MAF: variants seen among roughly 807,000 people sequenced by gnomAD.
MAF encodes MAF bZIP transcription factor, also known as transcription factor Maf.
Under a neutral mutation model 22.0 loss-of-function variants are expected in MAF, and 10 were observed. The ratio of observed to expected loss-of-function variants is 0.45; its 90% CI spans 0.28 to 0.77. The LOEUF is 0.77. Among genes scored for constraint, MAF ranks in the 30% least tolerant of loss-of-function variants. The probability of loss-of-function intolerance (pLI) is 0.12; values close to 1 mark genes in which losing one functional copy is unlikely to be tolerated. For synonymous variants in MAF, 337 were observed against 255.8 expected (o/e 1.32, Z -3.03); for missense variants, 544 against 548.4 (o/e 0.99, Z 0.08).
chr16:79,550,993 C>A, the MAF span, among the ~76,000 whole-genome samples: 23 of 152,266 alleles, frequency 1.5e-4, no homozygotes, highest in Non-Finnish European at 2.2e-4. Context: ...CGTGGCCTCA[C>A]AGACAGCAGA....
At chr16:79,500,000 G>A in the MAF span, among the ~76,000 whole-genome samples, 2 of 152,174 alleles carry the variant, frequency 1.3e-5, no homozygotes, top group Non-Finnish European at 2.9e-5. Flanking sequence ...GACACATAGA[G>A]AGGTTATATA....
At chr16:79,350,590 C>T in the MAF span, among the ~76,000 whole-genome samples, 19 of 152,166 alleles carry the variant, frequency 1.2e-4, no homozygotes, top group African/African-American at 4.1e-4. Flanking sequence ...CCAGGCCCCA[C>T]GCTGAAAAAC....
At chr16:79,417,119 C>A in the MAF span, among the ~76,000 whole-genome samples, 13 of 152,274 alleles carry the variant, frequency 8.5e-5, no homozygotes, top group East Asian at 2.5e-3. Context: ...CAGCCAGGGG[C>A]ACACCATTCT....
the MAF span, chr16:79,212,294 G>T: frequency 2.9e-6 from 3 of 1,039,026 alleles, no homozygotes; most frequent in South Asian, 3.6e-5. Context: ...AGCCAGCTTA[G>T]CAACTGCTGG....
chr16:79,580,816 G>GAA, the MAF span, among the ~76,000 whole-genome samples: 3 of 149,778 alleles, frequency 2.0e-5, no homozygotes, highest in African/African-American at 7.4e-5. Flanking sequence ...TTTAAAAGGA[G>GAA]AAAAAAAAAA....
At chr16:79,310,271 G>T in the MAF span, among the ~76,000 whole-genome samples, 2 of 152,094 alleles carry the variant, frequency 1.3e-5, no homozygotes, top group African/African-American at 4.8e-5. Flanking sequence ...TGTAGGGAGG[G>T]AAAAGTTAGT....
At chr16:79,478,761 T>G in the MAF span, among the ~76,000 whole-genome samples, 2 of 151,902 alleles carry the variant, frequency 1.3e-5, no homozygotes, top group African/African-American at 4.8e-5. Context: ...CCTAGTCCAC[T>G]TGGGCACCAC....
At chr16:79,376,501 A>G in the MAF span, among the ~76,000 whole-genome samples, 6 of 152,042 alleles carry the variant, frequency 3.9e-5, no homozygotes, top group African/African-American at 1.4e-4. Context: ...TGTTTAGTTG[A>G]GAATACATTA....
At chr16:79,462,635 A>T in the MAF span, among the ~76,000 whole-genome samples, 4 of 152,208 alleles carry the variant, frequency 2.6e-5, no homozygotes, top group Non-Finnish European at 5.9e-5. Flanking sequence ...ACACACATGT[A>T]TACAAACACA....
intron 1 of MAF, chr16:79,596,896 G>C: frequency 5.7e-6 from 6 of 1,046,362 alleles, no homozygotes; most frequent in South Asian, 4.6e-5. Flanking sequence ...ATTTTTTTTT[G>C]TATTATATGC....
the MAF span, among the ~76,000 whole-genome samples, chr16:79,456,224 A>G: frequency 9.2e-5 from 14 of 152,076 alleles, 1 homozygote; most frequent in Admixed American, 7.9e-4. Context: ...CCTGGAAAGC[A>G]TCCTGTGCAG....
chr16:79,281,249 G>T, the MAF span, among the ~76,000 whole-genome samples: 1 of 151,578 alleles, frequency 6.6e-6, no homozygotes, highest in Non-Finnish European at 1.5e-5. Context: ...GACATGGAGG[G>T]TAATGAGCAA....
chr16:79,326,299 C>G, the MAF span, among the ~76,000 whole-genome samples: 18 of 152,136 alleles, frequency 1.2e-4, no homozygotes, highest in Non-Finnish European at 2.1e-4. Context: ...AAGTACTTAT[C>G]ATGATACCTA....
the MAF span, among the ~76,000 whole-genome samples, chr16:79,408,387 G>C: frequency 6.6e-6 from 1 of 152,008 alleles, no homozygotes; most frequent in African/African-American, 2.4e-5. Flanking sequence ...TGTTGTTCAG[G>C]CTGGTCTCAA....
chr16:79,301,839 CT>C, the MAF span, among the ~76,000 whole-genome samples: 1 of 152,232 alleles, frequency 6.6e-6, no homozygotes, highest in Admixed American at 6.5e-5. Flanking sequence ...CATAATGACC[CT>C]GTGAAATGGA....
chr16:79,459,004 G>A, the MAF span, among the ~76,000 whole-genome samples: 1 of 152,146 alleles, frequency 6.6e-6, no homozygotes, highest in African/African-American at 2.4e-5. Flanking sequence ...TTCCTGGGAA[G>A]AAAATGAGTT....
chr16:79,277,288 A>C, the MAF span, among the ~76,000 whole-genome samples: 30 of 152,182 alleles, frequency 2.0e-4, no homozygotes, highest in African/African-American at 6.5e-4. Flanking sequence ...CAGGGGTACC[A>C]GGAGCTAGGA....
At chr16:79,236,666 G>A in the MAF span, among the ~76,000 whole-genome samples, 6 of 152,150 alleles carry the variant, frequency 3.9e-5, no homozygotes, top group Non-Finnish European at 8.8e-5. Context: ...TAGACTGGAG[G>A]CCCTGGTCCC....
At chr16:79,267,384 G>A in the MAF span, among the ~76,000 whole-genome samples, 38 of 152,324 alleles carry the variant, frequency 2.5e-4, no homozygotes, top group Non-Finnish European at 4.0e-4. Context: ...GGAGATACAC[G>A]AAAAGTGTGA....
Sources: gnomAD v4.1 joint callset for allele counts (sites outside exome capture counted in the v4.1 genomes callset) on GRCh38, gnomAD v4.1.1 for gene constraint, MANE v1.5 for transcripts, NCBI Gene and HGNC (gene_info 2026-07-23, HGNC 2026-07-21) for gene names.